MACF1: variants seen among roughly 807,000 people sequenced by gnomAD.
The protein encoded by MACF1 is microtubule-actin cross-linking factor 1.
MACF1 carries 193 observed loss-of-function variants against 854.8 expected under a neutral mutation model. The observed-to-expected ratio is 0.23, with a 90% confidence interval of 0.20 to 0.25. The LOEUF is 0.25. Among genes scored for constraint, MACF1 ranks in the 10% least tolerant of loss-of-function variants. MACF1 has a pLI of 1.00. For synonymous variants in MACF1, 3,185 were observed against 3,226.7 expected, an observed-to-expected ratio of 0.99 and a Z score of 0.44; for missense variants, 7,722 against 8,929.1, an observed-to-expected ratio of 0.86 and a Z score of 5.45.
chr1:39,290,181 T>C (rs1645746451), intron 15 of MACF1, among the ~76,000 whole-genome samples: 1 of 152,170 alleles, frequency 6.6e-6, no homozygotes, highest in Admixed American at 6.6e-5. Context: ...TTAAGGTGTT[T>C]ATCCATTTTG....
chr1:39,425,638 C>A (rs927150807), intron 61 of MACF1, among the ~76,000 whole-genome samples: 1 of 152,170 alleles, frequency 6.6e-6, no homozygotes, highest in Non-Finnish European at 1.5e-5. Context: ...TTAATATCTT[C>A]TGACAATGTC....
intron 2 of MACF1, among the ~76,000 whole-genome samples, chr1:39,152,857 T>TAAA (rs34440965): frequency 1.3e-5 from 2 of 148,892 alleles, no homozygotes; most frequent in Non-Finnish European, 1.5e-5. Context: ...TTAAACAAAT[T>TAAA]AAAAAAAAAA....
At chr1:39,101,008 G>T (rs985998126) in intron 2 of MACF1, among the ~76,000 whole-genome samples, 2 of 151,994 alleles carry the variant, frequency 1.3e-5, no homozygotes. Context: ...CGATCCTCCT[G>T]CCTCGGCCTC....
At chr1:39,193,182 C>T (rs1644277618) in intron 2 of MACF1, among the ~76,000 whole-genome samples, 1 of 151,948 alleles carries the variant, frequency 6.6e-6, no homozygotes, top group African/African-American at 2.4e-5. Context: ...GGAACAGTCC[C>T]CATAGACAGG....
chr1:39,458,037 C>A, intron 89 of MACF1: 1 of 187,878 alleles, frequency 5.3e-6, no homozygotes, highest in Non-Finnish European at 1.1e-5. Context: ...TAGCAGGCTC[C>A]TTTTAAACAG....
chr1:39,168,377 CT>C (rs746440282), intron 2 of MACF1, among the ~76,000 whole-genome samples: 146 of 152,236 alleles, frequency 9.6e-4, no homozygotes, highest in Non-Finnish European at 1.8e-3. Context: ...TTTGTTGGGT[CT>C]TTTTCTTCTT....
At chr1:39,093,482 A>AT (rs35211687) in intron 2 of MACF1, among the ~76,000 whole-genome samples, 10,835 of 104,256 alleles carry the variant, frequency 0.1, 842 homozygotes, top group African/African-American at 0.15. Context: ...CGCCTGGCTA[A>AT]TTTTTTTTTT....
chr1:39,309,264 T>TC (rs111423549), intron 23 of MACF1, among the ~76,000 whole-genome samples: 2 of 151,720 alleles, frequency 1.3e-5, no homozygotes, highest in East Asian at 3.9e-4. Context: ...TAGTTTAGTT[T>TC]TTTTTTTTTT....
At position 39,331,172 on chromosome 1, in the gene MACF1, CTTTTTTTTTTTTTT is replaced by C. The variant is rs71060310; in HGVS notation, c.4615-16_4615-3del. ...TCAGTTTTCTTTTTCTTCTCTTTTC[CTTTTTTTTTTTTTT>C]TTTTTTTTTTTTTTAGGAATGCAGA... On this transcript the variant is annotated splice_polypyrimidine_tract_variant and intron_variant, in intron 36 of 100. Coordinates refer to ENST00000564288, the MANE Select transcript of MACF1 (RefSeq NM_001394062.1). The C allele has an allele frequency of 2.8e-3, 3,618 of 1,297,210 alleles. 51 individuals are homozygous for C. The African/African-American group carries it at 0.045, about 16-fold the overall frequency. The allele number at this position is 1,297,210 out of a possible 1,614,324, so 80.4% of individuals were successfully genotyped here. A position where few individuals can be genotyped will look rare whatever the true frequency, so the allele number is the denominator to read the frequency against.
At chr1:39,366,668 G>A (rs1648738684) in intron 49 of MACF1, among the ~76,000 whole-genome samples, 1 of 146,684 alleles carries the variant, frequency 6.8e-6, no homozygotes, top group South Asian at 2.2e-4. Flanking sequence ...TCGTTTTATT[G>A]TTGATTATCT....
intron 96 of MACF1, 63 bp downstream of exon 96, chr1:39,468,795 C>A: frequency 4.9e-6 from 7 of 1,414,146 alleles, no homozygotes; most frequent in Non-Finnish European, 6.0e-6. Flanking sequence ...ATCTTTTATG[C>A]TTACAGGAAG....
chr1:39,099,376 C>T (rs545321449), intron 2 of MACF1, among the ~76,000 whole-genome samples: 2 of 152,280 alleles, frequency 1.3e-5, no homozygotes, highest in South Asian at 4.1e-4. Context: ...AGGCTGGCCT[C>T]GAACTCCTGA....
chr1:39,348,206 G>A lies in MACF1; in HGVS notation c.10815+996G>A, dbSNP rs564143080. On this transcript the variant is annotated intron_variant, in intron 41 of 100. Coordinates refer to ENST00000564288, the MANE Select transcript of MACF1 (RefSeq NM_001394062.1). ...TGAGATATATTAATGGAAAGCTTTA[G>A]GTTACCTTTGAAAACTGAGCATGTG... Among the ~76,000 whole-genome samples, 221 of 152,126 alleles carry A rather than the reference G, an allele frequency of 1.5e-3. 7 individuals carry two copies. The highest frequency in any genetic ancestry group is 1.2e-3 in the Non-Finnish European group (85 of 68,032).
At chr1:39,372,681 T>G in intron 52 of MACF1, 85 bp downstream of exon 52, 1 of 907,578 alleles carries the variant, frequency 1.1e-6, no homozygotes. Flanking sequence ...ATAATTAAAG[T>G]GAAAATCAAG....
chr1:39,229,263 G>A (rs1015463822), intron 1 of MACF1, among the ~76,000 whole-genome samples: 1 of 152,150 alleles, frequency 6.6e-6, no homozygotes, highest in Admixed American at 6.5e-5. Flanking sequence ...ATTGTTCCTT[G>A]CAAAGCAAGA....
intron 6 of MACF1, among the ~76,000 whole-genome samples, chr1:39,260,904 C>T (rs1038302366): frequency 1.3e-5 from 2 of 152,112 alleles, no homozygotes; most frequent in East Asian, 3.9e-4. Context: ...CCTACACACA[C>T]AGAGATCTGT....
At chr1:39,456,389 G>T (rs941160451) in intron 89 of MACF1, among the ~76,000 whole-genome samples, 8 of 152,170 alleles carry the variant, frequency 5.3e-5, no homozygotes, top group African/African-American at 1.7e-4. Flanking sequence ...GATTACATGA[G>T]ATAGTCAACA....
At chr1:39,245,384 G>A (rs1335747054) in intron 2 of MACF1, among the ~76,000 whole-genome samples, 2 of 152,096 alleles carry the variant, frequency 1.3e-5, no homozygotes, top group African/African-American at 2.4e-5. Flanking sequence ...CCTCCAGCGC[G>A]ATTCTCGTGT....
chr1:39,153,210 T>TA (rs1449402630), intron 2 of MACF1, among the ~76,000 whole-genome samples: 1 of 152,194 alleles, frequency 6.6e-6, no homozygotes, highest in African/African-American at 2.4e-5. Flanking sequence ...AGGTGACTCT[T>TA]ACCTCTGATC....
Sources: gnomAD v4.1 joint callset for allele counts (sites outside exome capture counted in the v4.1 genomes callset) on GRCh38, gnomAD v4.1.1 for gene constraint, MANE v1.5 for transcripts, NCBI Gene and HGNC (gene_info 2026-07-23, HGNC 2026-07-21) for gene names.